Variants in ARRB1 observed in about 807,000 individuals in gnomAD.
ARRB1 encodes the protein beta-arrestin-1.
ARRB1 carries 21 observed loss-of-function variants against 56.8 expected under a neutral mutation model. The observed-to-expected ratio is 0.37, with a 90% CI of 0.26 to 0.53. The LOEUF (loss-of-function observed/expected upper bound fraction) is 0.53, where lower values mean the gene tolerates loss of function less well. Among genes scored for constraint, ARRB1 ranks in the 20% least tolerant of loss-of-function variants. The pLI, the probability that ARRB1 is intolerant of heterozygous loss-of-function variation, is 0.88. For synonymous variants in ARRB1, 210 were observed against 218.6 expected, an observed-to-expected ratio of 0.96 and a Z score of 0.35; for missense variants, 424 against 553.7, an observed-to-expected ratio of 0.77 and a Z score of 2.35.
intron 1 of ARRB1, among the ~76,000 whole-genome samples, chr11:75,318,436 T>C (rs1308771345): frequency 6.6e-6 from 1 of 152,108 alleles, no homozygotes; most frequent in African/African-American, 2.4e-5. Context: ...ATGCCGATAA[T>C]CCCAGAACTT....
intron 1 of ARRB1, among the ~76,000 whole-genome samples, chr11:75,296,579 G>A (rs568933548): frequency 5.9e-5 from 9 of 152,304 alleles, no homozygotes; most frequent in African/African-American, 2.2e-4. Context: ...CTGTCAGGGA[G>A]AGGGCTACAC....
At chr11:75,338,121 G>A (rs1193688279) in intron 1 of ARRB1, among the ~76,000 whole-genome samples, 1 of 152,148 alleles carries the variant, frequency 6.6e-6, no homozygotes, top group Non-Finnish European at 1.5e-5. Flanking sequence ...TGGGAAAGGA[G>A]TGTGGAAGGG....
chr11:75,267,601 C>T, intron 15 of ARRB1, 51 bp downstream of exon 15: 1 of 1,450,736 alleles, frequency 6.9e-7, no homozygotes, highest in Non-Finnish European at 9.6e-7. Flanking sequence ...CCCCTCCACC[C>T]CGCCCACCCG....
intron 13 of ARRB1, chr11:75,270,841 A>G (rs555575928): frequency 1.2e-4 from 18 of 152,244 alleles, no homozygotes; most frequent in African/African-American, 4.3e-4. Context: ...GCCTGCCAGA[A>G]TCGTTACTTA....
At chr11:75,313,867 A>T (rs1947215251) in intron 1 of ARRB1, among the ~76,000 whole-genome samples, 1 of 152,198 alleles carries the variant, frequency 6.6e-6, no homozygotes, top group African/African-American at 2.4e-5. Context: ...CATCACAGCC[A>T]GGCCTGATGG....
intron 1 of ARRB1, among the ~76,000 whole-genome samples, chr11:75,331,650 C>T (rs748758776): frequency 1.7e-4 from 25 of 151,298 alleles, no homozygotes; most frequent in African/African-American, 5.1e-4. Context: ...CCTTTACCTA[C>T]GCAAATCTTA....
intron 3 of ARRB1, 27 bp from the exon 4 acceptor site, chr11:75,284,306 C>T (rs647630): frequency 0.58 from 929,762 of 1,589,608 alleles, 276,191 homozygotes; most frequent in Non-Finnish European, 0.61. Context: ...GAGTAAGCGG[C>T]CTCTCCCAAC....
intron 1 of ARRB1, among the ~76,000 whole-genome samples, chr11:75,343,635 G>T (rs1013315986): frequency 1.3e-5 from 2 of 152,142 alleles, no homozygotes; most frequent in African/African-American, 4.8e-5. Flanking sequence ...CCACCCAGCT[G>T]GTAAGTGTCA....
At chr11:75,267,842 A>G in intron 14 of ARRB1, 139 bp from the exon 15 acceptor site, 1 of 726,090 alleles carries the variant, frequency 1.4e-6, no homozygotes. Flanking sequence ...GAGATGGGGG[A>G]GGACTCATTC....
intron 4 of ARRB1, 137 bp from the exon 5 acceptor site, chr11:75,283,620 G>T: frequency 1.2e-6 from 1 of 833,184 alleles, no homozygotes; most frequent in Non-Finnish European, 1.8e-6. Context: ...TGGCTGCACT[G>T]TCTCCACCAG....
chr11:75,267,419 C>T lies in ARRB1; in HGVS notation c.1145+233G>A, dbSNP rs528034227. Among the ~76,000 whole-genome samples, 8 of 152,134 alleles carry T rather than the reference C, an allele frequency of 5.3e-5. No homozygotes were observed. The East Asian group carries it at 5.8e-4, about 11-fold the overall frequency. On this transcript the variant is annotated intron_variant, in intron 15 of 15. Coordinates refer to ENST00000420843, the MANE Select transcript of ARRB1 (RefSeq NM_004041.5). ...GGACTGACGGACGGACGTGCAAGGACGAGGGAGGAAGACAGACCCCACCAA... is the reference window on the plus strand; with the variant it reads ...GGACTGACGGACGGACGTGCAAGGATGAGGGAGGAAGACAGACCCCACCAA...
intron 7 of ARRB1, among the ~76,000 whole-genome samples, chr11:75,279,346 G>A (rs1946275242): frequency 6.6e-6 from 1 of 152,216 alleles, no homozygotes. Context: ...AGCCAGTGAA[G>A]GGGACAAGCC....
intron 1 of ARRB1, among the ~76,000 whole-genome samples, chr11:75,332,338 TG>T (rs1372043824): frequency 6.6e-6 from 1 of 152,176 alleles, no homozygotes; most frequent in East Asian, 1.9e-4. Flanking sequence ...CCATCCTTAG[TG>T]GGGGAAAATC....
chr11:75,346,498 G>A (rs1947769073), intron 1 of ARRB1, among the ~76,000 whole-genome samples: 1 of 152,000 alleles, frequency 6.6e-6, no homozygotes, highest in East Asian at 1.9e-4. Flanking sequence ...CTTCCTCCAA[G>A]AGGCTCAAGC....
intron 1 of ARRB1, among the ~76,000 whole-genome samples, chr11:75,297,781 C>G (rs1410149920): frequency 7.4e-6 from 1 of 135,592 alleles, no homozygotes; most frequent in African/African-American, 2.7e-5. Context: ...AGGAGAATCG[C>G]TTGAACCCAG....
chr11:75,266,323 A>G (rs1249627162), intron 15 of ARRB1, 49 bp from the exon 16 acceptor site: 1 of 1,505,360 alleles, frequency 6.6e-7, no homozygotes, highest in East Asian at 2.3e-5. Context: ...GGGCAGGGAG[A>G]GTAGGCTTAT....
chr11:75,297,864 CAAAAAAAAAAAAAAA>C (rs34831668), intron 1 of ARRB1, among the ~76,000 whole-genome samples: 1 of 29,270 alleles, frequency 3.4e-5, no homozygotes, highest in Non-Finnish European at 5.1e-5. Flanking sequence ...GACTTTGTCT[CAAAAAAAAAAAAAAA>C]AAAAAAAAAA....
chr11:75,338,942 G>A (rs147655227), intron 1 of ARRB1, among the ~76,000 whole-genome samples: 135 of 152,278 alleles, frequency 8.9e-4, no homozygotes, highest in African/African-American at 3.0e-3. Context: ...AGCTGTAACC[G>A]AGAAAGGATG....
intron 1 of ARRB1, among the ~76,000 whole-genome samples, chr11:75,322,498 T>G (rs1046296195): frequency 6.6e-6 from 1 of 151,922 alleles, no homozygotes; most frequent in Non-Finnish European, 1.5e-5. Flanking sequence ...AGAGCAAGAC[T>G]CCATCTCAAA....
Sources: allele counts gnomAD v4.1 joint callset (sites outside exome capture counted in the v4.1 genomes callset), GRCh38; gene constraint gnomAD v4.1.1; transcripts MANE v1.5; gene names NCBI Gene and HGNC (gene_info 2026-07-23, HGNC 2026-07-21).